Variants in NCL observed in about 807,000 individuals in gnomAD.
The protein encoded by NCL is nucleolin multifunctional protein.
Under a neutral mutation model 77.7 loss-of-function variants are expected in NCL, and 4 were observed. That is an observed-to-expected ratio of 0.05 (90% CI 0.03 to 0.12). The LOEUF (loss-of-function observed/expected upper bound fraction) is 0.12, where lower values mean the gene tolerates loss of function less well. NCL is among the 10% of genes least tolerant of loss of function. NCL has a pLI of 1.00. For synonymous variants in NCL, 344 were observed against 297.8 expected, an observed-to-expected ratio of 1.16 and a Z score of -1.60; for missense variants, 763 against 860.9, an observed-to-expected ratio of 0.89 and a Z score of 1.42.
chr2:231,456,527 ATTG>A (rs1391658235), intron 11 of NCL, 101 bp downstream of exon 11: 2 of 1,506,690 alleles, frequency 1.3e-6, no homozygotes, highest in Non-Finnish European at 1.8e-6. Context: ...ATATCCAGTT[ATTG>A]TTCACTCAGT....
At position 231,457,473 on chromosome 2, in the gene NCL, T is replaced by C. The variant is rs144532404; in HGVS notation, c.1447+170A>G. The C allele has an allele frequency of 1.3e-4, 104 of 808,826 alleles. No homozygotes were observed. The African/African-American group carries it at 1.4e-3, about 11-fold the overall frequency. The allele number at this position is 808,826 out of a possible 1,614,324, so 50.1% of individuals were successfully genotyped here. The stretch of plus-strand genomic sequence containing the variant: ...ATGATTTTAGAGCTCTCATTCAAGA[T>C]TGGAAATTACTATTCCAAATAAGAG... On this transcript the variant is annotated intron_variant, in intron 9 of 13. Transcript: ENST00000322723.
Position 231,455,395 on chromosome 2 carries a change from C to T in NCL, c.2056+6G>A, listed in dbSNP as rs777533415. On this transcript the variant is annotated splice_donor_region_variant and intron_variant, in intron 13 of 13. Transcript: ENST00000322723. ...TATGTGGTGTCATTATCTCTGCGTG[C>T]CTTACCTCCAAAGCCTCCCCGGCCT... is the stretch of plus-strand genomic sequence containing the variant. 5.0e-6 allele frequency: 8 copies of T among 1,613,834 alleles called. No homozygotes were observed. In the East Asian group the frequency reaches 1.8e-4, roughly 36 times the overall value.
chr2:231,453,848 C>T lies in NCL; in HGVS notation c.*1343G>A, dbSNP rs952848352. Reference sequence around the variant, plus strand: ...CTTCACGTTTCCTTCTAAGCTTATCCAAGTATCACAGTTTGATTTCACTAG... The same window carrying T: ...CTTCACGTTTCCTTCTAAGCTTATCTAAGTATCACAGTTTGATTTCACTAG... On this transcript the variant is annotated 3_prime_UTR_variant, in exon 14 of 14. Transcript: ENST00000322723. The T allele has an allele frequency of 2.6e-5, 4 of 152,190 alleles. No individual in the cohort carries two copies. Among genetic ancestry groups the T allele is most frequent in the Non-Finnish European group, 4.4e-5 (3 of 68,042 alleles). 9.4% of individuals were successfully genotyped at this position (152,190 alleles called of 1,614,324 possible).
intron 11 of NCL, 87 bp downstream of exon 11, chr2:231,456,544 A>AACAGGAAAC: frequency 6.3e-7 from 1 of 1,575,520 alleles, no homozygotes; most frequent in Non-Finnish European, 8.7e-7. Context: ...ACTCAGTAGC[A>AACAGGAAAC]ACAGGAAACA....
chr2:231,456,613 C>T lies in NCL; in HGVS notation c.1705+18G>A. 1 of 1,614,068 alleles carries T rather than the reference C, an allele frequency of 6.2e-7. No homozygotes were observed. ...GAGTGCTACCCCCAACCACAGCACC[C>T]TAACCAGGTGAACTTACGGCTTCTG... On this transcript the variant is annotated intron_variant, in intron 11 of 13. Transcript: ENST00000322723.
chr2:231,463,464 C>G lies in NCL; in HGVS notation c.19-148G>C, dbSNP rs1032477354. 1.3e-4 allele frequency: 92 copies of G among 704,506 alleles called. 1 individual carries two copies. The highest frequency in any genetic ancestry group is 1.0e-3 in the South Asian group (64 of 62,380). The allele number at this position is 704,506 out of a possible 1,614,324, so 43.6% of individuals were successfully genotyped here. A position where few individuals can be genotyped will look rare whatever the true frequency, so the allele number is the denominator to read the frequency against. On this transcript the variant is annotated intron_variant, in intron 1 of 13. Transcript: ENST00000322723. ...ACCACAACTAACATAGAAACTACTCCTGATGGCAATGCAAGAGGGACTACT... is the reference window on the plus strand; with the variant it reads ...ACCACAACTAACATAGAAACTACTCGTGATGGCAATGCAAGAGGGACTACT...
At chr2:231,462,074 C>A in intron 2 of NCL, 57 bp from the exon 3 acceptor site, 1 of 1,589,436 alleles carries the variant, frequency 6.3e-7, no homozygotes. Context: ...AAAAAGATAA[C>A]CATGGTCCCA....
chr2:231,457,387 T>C, intron 9 of NCL: 1 of 748,462 alleles, frequency 1.3e-6, no homozygotes, highest in Non-Finnish European at 2.4e-6. Context: ...GGTCAAGTCA[T>C]TTAAAGTATA....
In NCL at chr2:231,454,948, A is replaced by T. The variant is rs933091390; in HGVS notation, c.*243T>A. ...TTTGTACATGGGATGAAACAATATAAATTCAAAACTTACAGATAAGGGTTA... is the reference window on the plus strand; with the variant it reads ...TTTGTACATGGGATGAAACAATATATATTCAAAACTTACAGATAAGGGTTA... On this transcript the variant is annotated 3_prime_UTR_variant, in exon 14 of 14. Transcript: ENST00000322723. The T allele has an allele frequency of 4.8e-6, 2 of 419,232 alleles. No homozygotes were observed. Among genetic ancestry groups the T allele is most frequent in the Non-Finnish European group, 8.5e-6 (2 of 235,524 alleles). 26.0% of individuals were successfully genotyped at this position (419,232 alleles called of 1,614,324 possible).
chr2:231,455,972 C>T (rs757814072), intron 12 of NCL, 38 bp downstream of exon 12: 3 of 1,614,152 alleles, frequency 1.9e-6, no homozygotes, highest in South Asian at 1.1e-5. Flanking sequence ...ACAAAAACCC[C>T]TTCAAGTGGA....
At position 231,459,560 on chromosome 2, in the gene NCL, G is replaced by A. The variant is rs931879565; in HGVS notation, c.1041-435C>T. 2.3e-4 allele frequency among the ~76,000 whole-genome samples: 35 copies of A among 151,722 alleles called. 2 individuals are homozygous for A. The highest frequency in any genetic ancestry group is 1.5e-5 in the Non-Finnish European group (1 of 67,934). ...GCTGGAGTACAGTGGCGCGAACTTGGCTCACTGCAACCTCTGCCTCCCAGG... is the reference window on the plus strand; with the variant it reads ...GCTGGAGTACAGTGGCGCGAACTTGACTCACTGCAACCTCTGCCTCCCAGG... On this transcript the variant is annotated intron_variant, in intron 6 of 13. Coordinates refer to ENST00000322723, the MANE Select transcript of NCL (RefSeq NM_005381.3).
chr2:231,455,989 A>G (rs1390164195), intron 12 of NCL, 21 bp downstream of exon 12: 1 of 1,614,104 alleles, frequency 6.2e-7, no homozygotes, highest in Admixed American at 1.7e-5. Context: ...TGGAAGCAGC[A>G]CTCACGCTTC....
Position 231,457,081 on chromosome 2 carries a change from T to G in NCL, c.1491A>C (p.Ala497=), listed in dbSNP as rs201791991. Residue 497 remains alanine (A), a synonymous_variant, in exon 10 of 14, where the codon GCA becomes GCC. Transcript: ENST00000322723. ...TLVLSNLSYS[A]TEETLQEVFE... is the part of the protein sequence containing the mutation. ...ATACTTCCTGAAGAGTTTCTTCTGT[T>G]GCACTGTAGGAGAGGTTGCTTAAAA... is the stretch of plus-strand genomic sequence containing the variant. 6.2e-7 allele frequency: 1 copy of G among 1,614,170 alleles called. No homozygotes were observed. Among genetic ancestry groups the G allele is most frequent in the African/African-American group, 1.3e-5 (1 of 75,062 alleles).
chr2:231,454,373 T>A lies in NCL; in HGVS notation c.*818A>T, dbSNP rs1268223542. 6.6e-6 allele frequency: 1 copy of A among 152,362 alleles called. No homozygotes were observed. The highest frequency in any genetic ancestry group is 1.5e-5 in the Non-Finnish European group (1 of 68,158). 9.4% of individuals were successfully genotyped at this position (152,362 alleles called of 1,614,324 possible). On this transcript the variant is annotated 3_prime_UTR_variant, in exon 14 of 14. Transcript: ENST00000322723. The stretch of plus-strand genomic sequence containing the variant: ...GTTGGCCAGGCTGGTCTTCAACTCC[T>A]GACCTCAGTTGATCTGCCTGCCTCG...
In NCL at chr2:231,458,249, C is replaced by T. The variant is rs2046910776; in HGVS notation, c.1289+17G>A. Reference sequence around the variant, plus strand: ...TAATGTTAATAAAACCCTTACATTTCAATAGACAGAACATACCCTTTACTT... The same window carrying T: ...TAATGTTAATAAAACCCTTACATTTTAATAGACAGAACATACCCTTTACTT... On this transcript the variant is annotated intron_variant, in intron 8 of 13. Coordinates refer to ENST00000322723, the MANE Select transcript of NCL (RefSeq NM_005381.3). 1 of 1,601,018 alleles carries T rather than the reference C, an allele frequency of 6.2e-7. No homozygotes were observed. The highest frequency in any genetic ancestry group is 1.3e-5 in the African/African-American group (1 of 74,276).
At chr2:231,463,552 G>C in intron 1 of NCL, 3 of 501,134 alleles carry the variant, frequency 6.0e-6, no homozygotes, top group African/African-American at 2.0e-5. Context: ...AAGGTAAAAA[G>C]TCAACCTGAG....
chr2:231,456,186 A>G (rs1159742931), intron 11 of NCL, 50 bp from the exon 12 acceptor site: 1 of 1,609,350 alleles, frequency 6.2e-7, no homozygotes, highest in Admixed American at 1.7e-5. Flanking sequence ...AGTTCGTAAC[A>G]CTGAATTTGC....
intron 11 of NCL, 96 bp from the exon 12 acceptor site, chr2:231,456,232 G>A (rs527999919): frequency 5.4e-6 from 8 of 1,490,920 alleles, no homozygotes; most frequent in Middle Eastern, 2.3e-4. Flanking sequence ...AAGAATACTT[G>A]TTATAGTGAA....
chr2:231,457,318 C>G lies in NCL; in HGVS notation c.1448-194G>C, dbSNP rs748178367. On this transcript the variant is annotated intron_variant, in intron 9 of 13. Transcript: ENST00000322723. Reference sequence around the variant, plus strand: ...GTGTTGCAATGTCCTGCTGGTTGTTCTTACATAGGCTGATGACTGGTCTGT... The same window carrying G: ...GTGTTGCAATGTCCTGCTGGTTGTTGTTACATAGGCTGATGACTGGTCTGT... 18 of 833,126 alleles carry G rather than the reference C, an allele frequency of 2.2e-5. No homozygotes were observed. In the East Asian group the frequency reaches 2.4e-4, roughly 11 times the overall value. The allele number at this position is 833,126 out of a possible 1,614,324, so 51.6% of individuals were successfully genotyped here. A position where few individuals can be genotyped will look rare whatever the true frequency, so the allele number is the denominator to read the frequency against.
Sources: allele counts gnomAD v4.1 joint callset (sites outside exome capture counted in the v4.1 genomes callset), GRCh38; gene constraint gnomAD v4.1.1; transcripts MANE v1.5; gene names NCBI Gene and HGNC (gene_info 2026-07-23, HGNC 2026-07-21).